The following DNAH12 variants were observed in gnomAD, a reference collection of about 807,000 sequenced individuals.
DNAH12 encodes axonemal beta dynein heavy chain 12.
In DNAH12, 285 loss-of-function variants were observed where a neutral mutation model predicts 371.5. The observed-to-expected ratio is 0.77, with a 90% confidence interval of 0.70 to 0.85. The LOEUF (loss-of-function observed/expected upper bound fraction) is 0.85, where lower values mean the gene tolerates loss of function less well. DNAH12 is among the 40% of genes least tolerant of loss of function. The pLI, the probability that DNAH12 is intolerant of heterozygous loss-of-function variation, is 0.00. For synonymous variants in DNAH12, 1,200 were observed against 1,213.0 expected (o/e 0.99, Z 0.22); for missense variants, 3,611 against 3,689.4 (o/e 0.98, Z 0.55).
chr3:57,429,653 A>G (rs771794815), intron 33 of DNAH12, 38 bp downstream of exon 33: 17 of 1,495,872 alleles, frequency 1.1e-5, no homozygotes, highest in Non-Finnish European at 1.4e-5. Flanking sequence ...AGAATGAAGA[A>G]ATGAACAAAC....
intron 2 of DNAH12, among the ~76,000 whole-genome samples, chr3:57,534,566 T>C (rs1219244189): frequency 1.2e-4 from 17 of 144,056 alleles, no homozygotes; most frequent in Non-Finnish European, 7.5e-5. Context: ...TGAAGTGCAG[T>C]GGTGTGATCT....
intron 12 of DNAH12, among the ~76,000 whole-genome samples, chr3:57,484,784 T>A (rs1575668249): frequency 6.6e-6 from 1 of 152,058 alleles, no homozygotes; most frequent in South Asian, 2.1e-4. Flanking sequence ...ATTTGCAAAC[T>A]CTGCCTCCAA....
chr3:57,307,261 A>T (rs895990082), intron 69 of DNAH12, among the ~76,000 whole-genome samples: 6 of 152,150 alleles, frequency 3.9e-5, no homozygotes, highest in Non-Finnish European at 5.9e-5. Context: ...AAAAAACATT[A>T]TATAAACTCA....
intron 47 of DNAH12, among the ~76,000 whole-genome samples, chr3:57,385,830 G>A (rs933820483): frequency 2.6e-5 from 4 of 152,046 alleles, no homozygotes; most frequent in African/African-American, 7.2e-5. Context: ...GCAGTGAGCC[G>A]AGATTGCACC....
Position 57,415,475 on chromosome 3 carries a change from A to T in DNAH12, c.5804T>A (p.Phe1935Tyr). Residue 1935 changes from phenylalanine to tyrosine, a missense_variant, in exon 38 of 74, where the codon TTT becomes TAT. By Grantham distance (22) the Phe-to-Tyr change is conservative. This residue lies in a region of DNAH12 where 2,266 missense variants were observed against 2,236.9 expected (regional missense o/e 1.01). Transcript: ENST00000495027. The stretch of plus-strand genomic sequence containing the variant: ...TGCAGATAAGTTAATATAAAAAGGA[A>T]AGTACTGGTCCTTTTCCAAGTGATT... ...LMNHLEKDQY[F>Y]PFYINLSART... is the part of the protein sequence containing the mutation. 6.4e-7 allele frequency: 1 copy of T among 1,551,302 alleles called. No individual in the cohort carries two copies. The highest frequency in any genetic ancestry group is 1.2e-5 in the South Asian group (1 of 83,906).
intron 39 of DNAH12, among the ~76,000 whole-genome samples, chr3:57,410,024 G>A (rs2064153188): frequency 6.6e-6 from 1 of 152,074 alleles, no homozygotes; most frequent in Admixed American, 6.5e-5. Context: ...ACTTAGGTTG[G>A]GCACTACCCA....
chr3:57,335,197 C>T (rs917177499), intron 60 of DNAH12, among the ~76,000 whole-genome samples: 2 of 152,164 alleles, frequency 1.3e-5, no homozygotes, highest in African/African-American at 4.8e-5. Context: ...CTGGCACTTT[C>T]TAGACTACAG....
chr3:57,400,423 T>C (rs939849476), intron 43 of DNAH12, among the ~76,000 whole-genome samples: 5 of 152,156 alleles, frequency 3.3e-5, no homozygotes, highest in Non-Finnish European at 7.4e-5. Context: ...GAAAGAAGAA[T>C]TGTACAGCAA....
intron 69 of DNAH12, among the ~76,000 whole-genome samples, chr3:57,306,258 C>A (rs185603613): frequency 6.6e-6 from 1 of 152,264 alleles, no homozygotes; most frequent in African/African-American, 2.4e-5. Context: ...TTAATCAATA[C>A]AGAGGCTACC....
chr3:57,313,478 C>A (rs1423454866), intron 66 of DNAH12, among the ~76,000 whole-genome samples: 1 of 152,032 alleles, frequency 6.6e-6, no homozygotes, highest in Admixed American at 6.6e-5. Flanking sequence ...AAGGTAAAAC[C>A]CCATTTCTAC....
At chr3:57,538,303 A>G (rs545357208) in intron 2 of DNAH12, among the ~76,000 whole-genome samples, 1 of 65,450 alleles carries the variant, frequency 1.5e-5, no homozygotes, top group African/African-American at 3.6e-5. Context: ...ATGCCTAGCA[A>G]TTCTAATCTC....
At chr3:57,505,225 A>G (rs989859477) in intron 8 of DNAH12, among the ~76,000 whole-genome samples, 24 of 149,302 alleles carry the variant, frequency 1.6e-4, no homozygotes, top group Middle Eastern at 3.4e-3. Flanking sequence ...CCCATTAAAC[A>G]TCTCCACTTA....
chr3:57,508,189 G>GA (rs769024023), intron 7 of DNAH12, among the ~76,000 whole-genome samples, 193 bp downstream of exon 7: 56 of 70,490 alleles, frequency 7.9e-4, no homozygotes, highest in East Asian at 3.6e-3. Context: ...TCCATCACGG[G>GA]AAAAAAAAAA....
At chr3:57,436,195 C>T (rs1459871583) in intron 30 of DNAH12, among the ~76,000 whole-genome samples, 1 of 152,008 alleles carries the variant, frequency 6.6e-6, no homozygotes, top group East Asian at 1.9e-4. Context: ...TATACACACA[C>T]ACATAACTTA....
At chr3:57,459,886 A>C in intron 19 of DNAH12, 100 bp from the exon 20 acceptor site, 1 of 1,019,780 alleles carries the variant, frequency 9.8e-7, no homozygotes, top group Non-Finnish European at 1.3e-6. Flanking sequence ...TTTTTAAATA[A>C]GTGCAAACAT....
intron 4 of DNAH12, among the ~76,000 whole-genome samples, chr3:57,520,955 G>A (rs2153397455): frequency 6.7e-6 from 1 of 149,412 alleles, no homozygotes; most frequent in South Asian, 2.1e-4. Flanking sequence ...AAAATTTTCT[G>A]CAGGAGGCTG....
intron 25 of DNAH12, among the ~76,000 whole-genome samples, chr3:57,449,278 C>A (rs1200959317): frequency 6.6e-6 from 1 of 152,222 alleles, no homozygotes; most frequent in African/African-American, 2.4e-5. Context: ...GCCCGGCTGG[C>A]TTCACCTAGT....
intron 60 of DNAH12, among the ~76,000 whole-genome samples, chr3:57,348,238 G>GA (rs1461856738): frequency 7.3e-4 from 111 of 152,192 alleles, no homozygotes; most frequent in African/African-American, 2.5e-3. Flanking sequence ...ACTACTAAGA[G>GA]AAAAAATCCC....
chr3:57,490,099 G>A (rs959330284), intron 11 of DNAH12, among the ~76,000 whole-genome samples: 2 of 151,908 alleles, frequency 1.3e-5, no homozygotes, highest in African/African-American at 2.4e-5. Context: ...TTCACTTTAC[G>A]TCCACATGGT....
Sources: allele counts gnomAD v4.1 joint callset (sites outside exome capture counted in the v4.1 genomes callset), GRCh38; gene constraint gnomAD v4.1.1; regional missense constraint gnomAD v4.1.1; transcripts MANE v1.5; gene names NCBI Gene and HGNC (gene_info 2026-07-23, HGNC 2026-07-21).